Variants in VAT1L observed in about 807,000 individuals in gnomAD.
The protein encoded by VAT1L is vesicle amine transport 1 like, also known as putative NADPH-dependent quinone oxidoreductase VAT1L.
In VAT1L, 34 loss-of-function variants were observed where a neutral mutation model predicts 44.1. That is an observed-to-expected ratio of 0.77 (90% CI 0.59 to 1.03). VAT1L has a LOEUF of 1.03. VAT1L is among the 50% of genes least tolerant of loss of function. VAT1L has a pLI of 0.00. For missense variants in VAT1L, 615 were observed against 538.8 expected (o/e 1.14, Z -1.40); for synonymous variants, 253 against 202.2 (o/e 1.25, Z -2.13).
At chr16:77,841,432 C>T (rs186119507) in intron 3 of VAT1L, among the ~76,000 whole-genome samples, 1 of 152,342 alleles carries the variant, frequency 6.6e-6, no homozygotes, top group East Asian at 1.9e-4. Context: ...ATAACTCTCT[C>T]ATCGGGCAGG....
intron 7 of VAT1L, among the ~76,000 whole-genome samples, chr16:77,892,003 C>T (rs957642855): frequency 4.6e-5 from 7 of 152,058 alleles, no homozygotes; most frequent in African/African-American, 9.7e-5. Flanking sequence ...ACCCGGGAGG[C>T]GGAGGTTGCA....
chr16:77,962,845 C>G (rs1287550336), intron 7 of VAT1L, among the ~76,000 whole-genome samples: 1 of 152,058 alleles, frequency 6.6e-6, no homozygotes. Context: ...ACTTGGGAGG[C>G]TGAGACAGGA....
intron 1 of VAT1L, among the ~76,000 whole-genome samples, chr16:77,808,547 C>T (rs1331611316): frequency 6.6e-6 from 1 of 152,082 alleles, no homozygotes; most frequent in Non-Finnish European, 1.5e-5. Context: ...GGGACCGTTG[C>T]TCTAGAAGAC....
chr16:77,834,487 C>T (rs1019570378), intron 3 of VAT1L, among the ~76,000 whole-genome samples: 2 of 152,158 alleles, frequency 1.3e-5, no homozygotes, highest in African/African-American at 2.4e-5. Context: ...AGGCCTGCCC[C>T]GTCCTGTGAG....
At chr16:77,921,948 A>T (rs544969562) in intron 7 of VAT1L, among the ~76,000 whole-genome samples, 2 of 151,932 alleles carry the variant, frequency 1.3e-5, no homozygotes, top group African/African-American at 4.8e-5. Context: ...GGGTCTCACT[A>T]TGTTGCCCAG....
chr16:77,872,823 C>T (rs2017046387), intron 4 of VAT1L, among the ~76,000 whole-genome samples: 1 of 152,228 alleles, frequency 6.6e-6, no homozygotes, highest in African/African-American at 2.4e-5. Context: ...CTTCTGCCTT[C>T]TCTGTGTATT....
intron 7 of VAT1L, among the ~76,000 whole-genome samples, chr16:77,962,021 G>A (rs1195388957): frequency 6.6e-6 from 1 of 152,124 alleles, no homozygotes; most frequent in Non-Finnish European, 1.5e-5. Flanking sequence ...GGTCAGCTGT[G>A]AGTCATCTCT....
At chr16:77,938,341 C>T (rs1597109023) in intron 7 of VAT1L, among the ~76,000 whole-genome samples, 1 of 152,182 alleles carries the variant, frequency 6.6e-6, no homozygotes, top group Non-Finnish European at 1.5e-5. Flanking sequence ...TACCTATAAA[C>T]AAAACTGAAC....
chr16:77,927,514 C>T (rs1028300068), intron 7 of VAT1L, among the ~76,000 whole-genome samples: 22 of 152,200 alleles, frequency 1.4e-4, no homozygotes, highest in African/African-American at 4.1e-4. Flanking sequence ...TTGCTGTCAT[C>T]CTATGGCCAC....
chr16:77,961,329 C>T (rs2018157872), intron 7 of VAT1L, among the ~76,000 whole-genome samples: 1 of 152,122 alleles, frequency 6.6e-6, no homozygotes, highest in Non-Finnish European at 1.5e-5. Context: ...CTCTAAATCA[C>T]CATGAACCGG....
At chr16:77,853,696 G>A (rs2016828536) in intron 3 of VAT1L, among the ~76,000 whole-genome samples, 1 of 152,100 alleles carries the variant, frequency 6.6e-6, no homozygotes, top group South Asian at 2.1e-4. Context: ...CTGGGAATCT[G>A]CATTACAGCA....
At chr16:77,908,631 G>C (rs1043930629) in intron 7 of VAT1L, among the ~76,000 whole-genome samples, 1 of 152,136 alleles carries the variant, frequency 6.6e-6, no homozygotes, top group Non-Finnish European at 1.5e-5. Flanking sequence ...GACAGGAAAA[G>C]GAGGCCGGGC....
At chr16:77,857,619 TTG>T (rs2016872113) in intron 3 of VAT1L, among the ~76,000 whole-genome samples, 1 of 150,810 alleles carries the variant, frequency 6.6e-6, no homozygotes, top group Non-Finnish European at 1.5e-5. Flanking sequence ...CTAATCTTAA[TTG>T]TGTTATTAGT....
At chr16:77,869,654 A>G (rs2017010092) in intron 4 of VAT1L, among the ~76,000 whole-genome samples, 2 of 152,034 alleles carry the variant, frequency 1.3e-5, no homozygotes, top group Admixed American at 1.3e-4. Flanking sequence ...GGGCAACAGA[A>G]CAAGACCCAG....
chr16:77,963,834 C>G (rs1341764379), intron 7 of VAT1L, among the ~76,000 whole-genome samples: 1 of 152,112 alleles, frequency 6.6e-6, no homozygotes, highest in Non-Finnish European at 1.5e-5. Context: ...GTGATACTTC[C>G]CAGCACAGAA....
intron 8 of VAT1L, among the ~76,000 whole-genome samples, chr16:77,975,507 C>T (rs370248946): frequency 1.1e-4 from 17 of 152,104 alleles, no homozygotes; most frequent in Admixed American, 2.0e-4. Context: ...CCACCGCGCC[C>T]GGCCATGACC....
chr16:77,842,087 C>G (rs1192723173), intron 3 of VAT1L, among the ~76,000 whole-genome samples: 1 of 152,100 alleles, frequency 6.6e-6, no homozygotes, highest in Non-Finnish European at 1.5e-5. Context: ...CGGGGTTTCA[C>G]CATGTTAGCC....
chr16:77,965,259 A>C (rs2018210813), intron 7 of VAT1L, among the ~76,000 whole-genome samples: 1 of 152,206 alleles, frequency 6.6e-6, no homozygotes, highest in Non-Finnish European at 1.5e-5. Flanking sequence ...TGAACGAATG[A>C]GTAGTATAGA....
At chr16:77,816,878 A>T (rs1248675339) in intron 1 of VAT1L, 43 bp from the exon 2 acceptor site, 3 of 1,546,128 alleles carry the variant, frequency 1.9e-6, no homozygotes, top group African/African-American at 2.8e-5. Flanking sequence ...TTTCTTTTGG[A>T]TCTCATTTTG....
Sources: allele counts gnomAD v4.1 joint callset (sites outside exome capture counted in the v4.1 genomes callset), GRCh38; gene constraint gnomAD v4.1.1; transcripts MANE v1.5; gene names NCBI Gene and HGNC (gene_info 2026-07-23, HGNC 2026-07-21).